FRMD3: variants seen among roughly 807,000 people sequenced by gnomAD.
FRMD3 encodes the protein FERM domain-containing protein 3.
FRMD3 carries 33 observed loss-of-function variants against 70.2 expected under a neutral mutation model. The ratio of observed to expected loss-of-function variants is 0.47; its 90% CI spans 0.36 to 0.63. FRMD3 has a LOEUF of 0.63. Ranked by LOEUF, FRMD3 falls within the 20% of genes least tolerant of loss-of-function variation. The pLI is 0.00. For missense variants in FRMD3, 632 were observed against 711.4 expected (o/e 0.89, Z 1.27); for synonymous variants, 279 against 255.9 (o/e 1.09, Z -0.86).
At position 83,505,040 on chromosome 9, in the gene FRMD3, CA is replaced by C. The variant is rs571340837; in HGVS notation, c.147+33044del. ...CTACTTTCTTGATTCATTCTTATGG[CA>C]AAAAAAATGTTCATGCATTTACTCT... On this transcript the variant is annotated intron_variant, in intron 1 of 13. Coordinates refer to ENST00000304195, the MANE Select transcript of FRMD3 (RefSeq NM_174938.6). Among the ~76,000 whole-genome samples the C allele has an allele frequency of 3.8e-3, 583 of 151,618 alleles. 5 individuals carry two copies. Among genetic ancestry groups the C allele is most frequent in the African/African-American group, 0.013 (553 of 41,380 alleles).
the FRMD3 span, among the ~76,000 whole-genome samples, chr9:83,560,618 G>A: frequency 4.6e-5 from 7 of 152,226 alleles, no homozygotes; most frequent in Admixed American, 2.6e-4. Context: ...GGCAATGACA[G>A]CTGAATTACA....
the FRMD3 span, among the ~76,000 whole-genome samples, chr9:83,580,443 G>T: frequency 6.6e-6 from 1 of 152,044 alleles, no homozygotes; most frequent in Non-Finnish European, 1.5e-5. Context: ...TAAAAAGAAG[G>T]CAATTCTGTC....
intron 2 of FRMD3, among the ~76,000 whole-genome samples, chr9:83,388,904 T>C (rs2131295158): frequency 6.6e-6 from 1 of 151,898 alleles, no homozygotes; most frequent in African/African-American, 2.4e-5. Flanking sequence ...CCTATACCCA[T>C]TAAGCAGTTA....
intron 3 of FRMD3, among the ~76,000 whole-genome samples, chr9:83,357,234 A>ATTATG (rs1443523346): frequency 0.029 from 377 of 13,128 alleles, 94 homozygotes; most frequent in African/African-American, 0.16. Context: ...TTTTATATAT[A>ATTATG]TATAATACAT....
chr9:83,427,240 T>G (rs550630623), intron 1 of FRMD3, among the ~76,000 whole-genome samples: 1 of 152,140 alleles, frequency 6.6e-6, no homozygotes, highest in Non-Finnish European at 1.5e-5. Context: ...TCAGGAAACC[T>G]GGGGTCTGTG....
intron 1 of FRMD3, among the ~76,000 whole-genome samples, chr9:83,523,011 T>A (rs1829609950): frequency 1.3e-5 from 2 of 152,340 alleles, no homozygotes; most frequent in Admixed American, 6.5e-5. Context: ...ACAATAGTGC[T>A]ATGCTGAATC....
chr9:83,504,980 G>A (rs1268005446), intron 1 of FRMD3, among the ~76,000 whole-genome samples: 1 of 152,144 alleles, frequency 6.6e-6, no homozygotes, highest in African/African-American at 2.4e-5. Context: ...GCAATATTGG[G>A]TTCAAGATCC....
At chr9:83,502,989 G>C (rs1469219447) in intron 1 of FRMD3, among the ~76,000 whole-genome samples, 1 of 152,102 alleles carries the variant, frequency 6.6e-6, no homozygotes, top group African/African-American at 2.4e-5. Flanking sequence ...AGGCCCTCAT[G>C]ACTGATTTAC....
chr9:83,456,805 C>A (rs1827830618), intron 1 of FRMD3, among the ~76,000 whole-genome samples: 2 of 152,178 alleles, frequency 1.3e-5, no homozygotes, highest in South Asian at 2.1e-4. Context: ...AATGGCAAGA[C>A]CCTGTCTCTA....
intron 5 of FRMD3, among the ~76,000 whole-genome samples, chr9:83,340,209 T>C (rs536098682): frequency 1.3e-5 from 2 of 152,186 alleles, no homozygotes; most frequent in Non-Finnish European, 2.9e-5. Flanking sequence ...ACCTGGAGTT[T>C]AGGCAAGTGC....
intron 2 of FRMD3, among the ~76,000 whole-genome samples, chr9:83,376,002 A>T (rs541448336): frequency 6.6e-6 from 1 of 152,064 alleles, no homozygotes; most frequent in African/African-American, 2.4e-5. Context: ...TCTACTAAAA[A>T]TACAAAAATT....
intron 1 of FRMD3, among the ~76,000 whole-genome samples, chr9:83,464,903 C>A (rs564336496): frequency 8.0e-4 from 118 of 147,382 alleles, no homozygotes; most frequent in African/African-American, 2.6e-3. Flanking sequence ...ACCTGTAATC[C>A]CAGCGACTCG....
chr9:83,484,712 C>A (rs7025284), intron 1 of FRMD3, among the ~76,000 whole-genome samples: 7 of 152,134 alleles, frequency 4.6e-5, no homozygotes, highest in South Asian at 2.1e-4. Flanking sequence ...GCCACTGTGC[C>A]CAGCCTGTGT....
At chr9:83,398,548 C>T (rs916744473) in intron 1 of FRMD3, among the ~76,000 whole-genome samples, 4 of 152,114 alleles carry the variant, frequency 2.6e-5, no homozygotes, top group African/African-American at 9.7e-5. Context: ...TGAAATATGC[C>T]TAATGCTAAA....
intron 1 of FRMD3, among the ~76,000 whole-genome samples, chr9:83,525,200 C>T (rs1049840166): frequency 4.6e-5 from 7 of 152,166 alleles, no homozygotes; most frequent in Non-Finnish European, 8.8e-5. Flanking sequence ...ACAAATTATA[C>T]TTCTGAGGTG....
chr9:83,480,378 G>A (rs1828538409), intron 1 of FRMD3, among the ~76,000 whole-genome samples: 1 of 151,354 alleles, frequency 6.6e-6, no homozygotes, highest in African/African-American at 2.4e-5. Context: ...TCTAATCAAA[G>A]ATATTCTGGA....
chr9:83,424,367 G>A (rs112491948), intron 1 of FRMD3, among the ~76,000 whole-genome samples: 1 of 152,086 alleles, frequency 6.6e-6, no homozygotes, highest in African/African-American at 2.4e-5. Flanking sequence ...AAAATTTCAG[G>A]GTTCGAAGCA....
intron 1 of FRMD3, among the ~76,000 whole-genome samples, chr9:83,470,719 G>A (rs1828248785): frequency 6.6e-6 from 1 of 152,250 alleles, no homozygotes; most frequent in African/African-American, 2.4e-5. Flanking sequence ...CTGGTAGGAT[G>A]TGGTACAATG....
chr9:83,265,932 A>G lies in FRMD3; in HGVS notation c.1196-17416T>C, dbSNP rs955264666. Among the ~76,000 whole-genome samples, 4 of 152,338 alleles carry G rather than the reference A, an allele frequency of 2.6e-5. 1 individual carries two copies. Among genetic ancestry groups the G allele is most frequent in the Admixed American group, 2.6e-4 (4 of 15,300 alleles). The stretch of plus-strand genomic sequence containing the variant: ...TATGCATTGCAGTACCATCTGTTAC[A>G]GCCAAAAAACGAGCCATAACCATTT... On this transcript the variant is annotated intron_variant, in intron 13 of 13. Transcript: ENST00000304195.
Sources: gnomAD v4.1 joint callset for allele counts (sites outside exome capture counted in the v4.1 genomes callset) on GRCh38, gnomAD v4.1.1 for gene constraint, MANE v1.5 for transcripts, NCBI Gene and HGNC (gene_info 2026-07-23, HGNC 2026-07-21) for gene names.